CDCP1: variants seen among roughly 807,000 people sequenced by gnomAD.
The protein encoded by CDCP1 is CUB domain-containing protein 1.
CDCP1 carries 29 observed loss-of-function variants against 60.2 expected under a neutral mutation model. The observed-to-expected ratio is 0.48, with a 90% CI of 0.36 to 0.66. The LOEUF (loss-of-function observed/expected upper bound fraction) is 0.66. Ranked by LOEUF, CDCP1 falls within the 30% of genes least tolerant of loss-of-function variation. The pLI, the probability that CDCP1 is intolerant of heterozygous loss-of-function variation, is 0.00. For missense variants in CDCP1, 876 were observed against 1,074.3 expected (o/e 0.82, Z 2.58); for synonymous variants, 387 against 431.1 (o/e 0.90, Z 1.27).
intron 2 of CDCP1, among the ~76,000 whole-genome samples, chr3:45,116,827 A>G (rs146781279): frequency 1.2e-3 from 180 of 152,254 alleles, no homozygotes; most frequent in Admixed American, 3.9e-3. Flanking sequence ...CCATGAGTCA[A>G]TCCAGCCCAT....
At chr3:45,110,149 CG>C in intron 4 of CDCP1, 1 of 1,106,612 alleles carries the variant, frequency 9.0e-7, no homozygotes, top group South Asian at 2.4e-5. Context: ...GCTGATGGTG[CG>C]GGTGACATCC....
chr3:45,138,795 G>A (rs1208919774), intron 1 of CDCP1, among the ~76,000 whole-genome samples: 7 of 152,172 alleles, frequency 4.6e-5, no homozygotes, highest in Non-Finnish European at 8.8e-5. Context: ...GCAGTGAGCT[G>A]AGATTGTGCC....
intron 4 of CDCP1, among the ~76,000 whole-genome samples, chr3:45,096,589 C>T (rs1698402912): frequency 8.1e-6 from 1 of 124,096 alleles, no homozygotes; most frequent in Non-Finnish European, 1.6e-5. Context: ...TGTACCACTG[C>T]ACCCTAGCCT....
chr3:45,085,928 T>C lies in CDCP1; in HGVS notation c.2221A>G (p.Met741Val). The C allele has an allele frequency of 1.9e-6, 3 of 1,614,186 alleles. No individual in the cohort carries two copies. Among genetic ancestry groups the C allele is most frequent in the Non-Finnish European group, 2.5e-6 (3 of 1,180,034 alleles). The change falls in exon 9 of 9, where the codon ATG becomes GTG. Residue 741 changes from methionine (M) to valine (V), a missense_variant. By Grantham distance (21) the Met-to-Val change is conservative. Transcript: ENST00000296129. The surrounding 1 kb of genome is among the most constrained non-coding windows in gnomAD (Gnocchi z 4.2). ...SHVYAVIEDT[M>V]VYGHLLQDSS... ...TCCTGTAGCAGATGCCCATATACCA[T>C]GGTGTCCTCGATGACTGCATACACA...
intron 8 of CDCP1, among the ~76,000 whole-genome samples, chr3:45,087,547 A>G (rs982341380): frequency 1.3e-5 from 2 of 152,166 alleles, no homozygotes; most frequent in Admixed American, 6.5e-5. Flanking sequence ...AGAAACAGTA[A>G]CATGATGTTT....
chr3:45,100,436 C>T lies in CDCP1; in HGVS notation c.1025-4868G>A, dbSNP rs566945108. ...GAGACCATCTGGGGCTCTAGTGGCT[C>T]TTCCCACCTTAGCCCCACATTTGCC... On this transcript the variant is annotated intron_variant, in intron 4 of 8. Transcript: ENST00000296129. Among the ~76,000 whole-genome samples the T allele has an allele frequency of 1.7e-3, 253 of 152,314 alleles. 2 individuals carry two copies. The highest frequency in any genetic ancestry group is 5.8e-3 in the African/African-American group (241 of 41,574).
In CDCP1 at chr3:45,091,954, CGG is replaced by C. The variant is rs1198151843; in HGVS notation, c.1628-418_1628-417del. ...GACTACAGGCATGAGCCACCATGACCGGCTAATTTTTTGTATTTTTAGTAGAG... is the reference window on the plus strand; with the variant it reads ...GACTACAGGCATGAGCCACCATGACCCTAATTTTTTGTATTTTTAGTAGAG... On this transcript the variant is annotated intron_variant, in intron 6 of 8. Coordinates refer to ENST00000296129, the MANE Select transcript of CDCP1 (RefSeq NM_022842.5). This position sits in a 1 kb window ranked among gnomAD's most constrained non-coding sequence, Gnocchi z 4.8. Among the ~76,000 whole-genome samples the C allele has an allele frequency of 3.9e-5, 6 of 152,066 alleles. No homozygotes were observed. The highest frequency in any genetic ancestry group is 3.9e-4 in the Admixed American group (6 of 15,260).
chr3:45,146,264 G>A lies in CDCP1; in HGVS notation c.24C>T (p.Val8=). ...GCAGAACCCCTAGCAGTGCGATAGA[G>A]ACCCCGCAGTTCAGGCCGGCCATGA... The part of the protein sequence containing the change: MAGLNCG[V]SIALLGVLLL... The change falls in exon 1 of 9, where the codon GTC becomes GTT. Residue 8 remains valine (V), a synonymous_variant. Coordinates refer to ENST00000296129, the MANE Select transcript of CDCP1 (RefSeq NM_022842.5). The A allele has an allele frequency of 6.3e-7, 1 of 1,590,112 alleles. No individual in the cohort carries two copies. The highest frequency in any genetic ancestry group is 8.5e-7 in the Non-Finnish European group (1 of 1,170,956).
intron 2 of CDCP1, among the ~76,000 whole-genome samples, chr3:45,113,791 T>C (rs1698737940): frequency 6.6e-6 from 1 of 152,218 alleles, no homozygotes; most frequent in Admixed American, 6.5e-5. Context: ...TTAGATAACA[T>C]GGTGACTAAC....
chr3:45,111,822 A>G lies in CDCP1; in HGVS notation c.655+261T>C, dbSNP rs1384163351. On this transcript the variant is annotated intron_variant, in intron 3 of 8. Coordinates refer to ENST00000296129, the MANE Select transcript of CDCP1 (RefSeq NM_022842.5). ...AATGAAGCAATCAAGGTGGGTCTGT[A>G]GAACCAATCCCTTGTCATTTTTTTG... Among the ~76,000 whole-genome samples the G allele has an allele frequency of 2.6e-5, 4 of 152,264 alleles. No homozygotes were observed. The East Asian group carries it at 7.7e-4, about 29-fold the overall frequency.
Position 45,085,735 on chromosome 3 carries a change from G to C in CDCP1, c.2414C>G (p.Pro805Arg), listed in dbSNP as rs529640107. 2 of 1,614,144 alleles carry C rather than the reference G, an allele frequency of 1.2e-6. No individual in the cohort carries two copies. Among genetic ancestry groups the C allele is most frequent in the Non-Finnish European group, 8.5e-7 (1 of 1,180,014 alleles). Reference protein sequence around the residue: ...PRSPPESESEPYTFSHPNNGD... With the variant: ...PRSPPESESERYTFSHPNNGD... ...ATTGTTGGGATGGGAGAAGGTGTAC[G>C]GTTCACTCTCAGACTCAGGAGGGGA... Residue 805 changes from proline (P) to arginine (R), a missense_variant, in exon 9 of 9, where the codon CCG becomes CGG. Around this residue, in one of 2 missense-constraint regions of CDCP1, gnomAD observed 726 missense variants for 935.7 expected, o/e 0.78. Coordinates refer to ENST00000296129, the MANE Select transcript of CDCP1 (RefSeq NM_022842.5). This position sits in a 1 kb window ranked among gnomAD's most constrained non-coding sequence, Gnocchi z 4.2.
chr3:45,112,229 G>A lies in CDCP1; in HGVS notation c.509C>T (p.Thr170Ile). Reference sequence around the variant, plus strand: ...GCAGAAGGTTCCGATCCTGACCACGGTGGCATCGATTCGGCCGCTGATGGA... The same window carrying A: ...GCAGAAGGTTCCGATCCTGACCACGATGGCATCGATTCGGCCGCTGATGGA... ...THSISGRIDA[T>I]VVRIGTFCSN... The change falls in exon 3 of 9, where the codon ACC becomes ATC. Residue 170 changes from threonine (T) to isoleucine (I), a missense_variant. Thr to Ile is a moderately conservative substitution (Grantham distance 89). Transcript: ENST00000296129. 1.2e-6 allele frequency: 2 copies of A among 1,614,180 alleles called. No individual in the cohort carries two copies. The highest frequency in any genetic ancestry group is 2.2e-5 in the South Asian group (2 of 91,082).
At chr3:45,132,782 T>C (rs1038546778) in intron 1 of CDCP1, among the ~76,000 whole-genome samples, 6 of 152,218 alleles carry the variant, frequency 3.9e-5, no homozygotes. Flanking sequence ...TTGATGGCCA[T>C]GATCATTACC....
At position 45,143,355 on chromosome 3, in the gene CDCP1, T is replaced by C. The variant is rs145106721; in HGVS notation, c.82+2851A>G. 3.8e-4 allele frequency among the ~76,000 whole-genome samples: 58 copies of C among 152,366 alleles called. 1 individual carries two copies. The highest frequency in any genetic ancestry group is 6.2e-4 in the Non-Finnish European group (42 of 68,036). ...TTTCATGTCATTTTCTAGTCTGTGC[T>C]ATGTAATTTCAAGTGCCTTTTCACT... On this transcript the variant is annotated intron_variant, in intron 1 of 8. Transcript: ENST00000296129.
At chr3:45,087,444 C>T (rs930735102) in intron 8 of CDCP1, among the ~76,000 whole-genome samples, 2 of 152,216 alleles carry the variant, frequency 1.3e-5, no homozygotes, top group African/African-American at 4.8e-5. Flanking sequence ...GTCCAATTCC[C>T]TCCTGATAAG....
At chr3:45,125,293 C>T (rs6793066) in intron 1 of CDCP1, among the ~76,000 whole-genome samples, 150,450 of 152,280 alleles carry the variant, frequency 0.99, 74,346 homozygotes, top group Middle Eastern at 1. Context: ...TTGTTGGCCA[C>T]GGAGTTTGGG....
chr3:45,089,663 T>C (rs992795820), intron 7 of CDCP1, among the ~76,000 whole-genome samples: 5 of 152,120 alleles, frequency 3.3e-5, no homozygotes, highest in African/African-American at 1.2e-4. Context: ...CCATAAATCG[T>C]GGGTAAACAA....
intron 1 of CDCP1, among the ~76,000 whole-genome samples, chr3:45,118,886 T>G (rs1197257694): frequency 1.3e-5 from 2 of 152,272 alleles, no homozygotes; most frequent in African/African-American, 4.8e-5. Flanking sequence ...TACCACATTC[T>G]AGATGTCTTG....
At chr3:45,097,337 AAAG>A (rs1274223318) in intron 4 of CDCP1, among the ~76,000 whole-genome samples, 20 of 152,058 alleles carry the variant, frequency 1.3e-4, no homozygotes, top group African/African-American at 4.6e-4. Flanking sequence ...AAAGAAAAGA[AAAG>A]AAAAAAAGAA....
Sources: allele counts gnomAD v4.1 joint callset (sites outside exome capture counted in the v4.1 genomes callset), GRCh38; gene constraint gnomAD v4.1.1; regional missense constraint gnomAD v4.1.1; non-coding constraint Gnocchi (gnomAD v3.1); transcripts MANE v1.5; gene names NCBI Gene and HGNC (gene_info 2026-07-23, HGNC 2026-07-21).